Variants in BPTF observed in about 807,000 individuals in gnomAD.
The protein encoded by BPTF is bromodomain PHD finger transcription factor.
BPTF carries 18 observed loss-of-function variants against 292.5 expected under a neutral mutation model. That is an observed-to-expected ratio of 0.06 (90% CI 0.04 to 0.09). The LOEUF is 0.09. Among genes scored for constraint, BPTF ranks in the 10% least tolerant of loss-of-function variants. BPTF has a pLI of 1.00. For synonymous variants in BPTF, 1,225 were observed against 1,251.9 expected (o/e 0.98, Z 0.45); for missense variants, 2,726 against 3,498.7 (o/e 0.78, Z 5.57).
chr17:67,908,126 T>G (rs953792326), intron 9 of BPTF, among the ~76,000 whole-genome samples: 37 of 152,182 alleles, frequency 2.4e-4, no homozygotes, highest in African/African-American at 8.7e-4. Flanking sequence ...TCAAATAGAT[T>G]GTGATAATCC....
intron 25 of BPTF, chr17:67,965,725 G>A (rs1233112111): frequency 6.6e-6 from 1 of 151,244 alleles, no homozygotes; most frequent in Non-Finnish European, 1.5e-5. Flanking sequence ...TAACAGGATA[G>A]GGATGGTTTG....
At chr17:67,981,771 T>TTCTG (rs2070386885) in intron 27 of BPTF, 1 of 967,058 alleles carries the variant, frequency 1.0e-6, no homozygotes, top group African/African-American at 1.8e-5. Flanking sequence ...AAGGGAGACT[T>TTCTG]TCTGGACTTT....
chr17:67,909,276 C>G (rs552220324), intron 9 of BPTF, among the ~76,000 whole-genome samples: 2 of 88,134 alleles, frequency 2.3e-5, no homozygotes, highest in African/African-American at 4.1e-5. Context: ...GGTCCCCCCC[C>G]CCCTTTTTTT....
rs1489258620 is a variant in BPTF at position 67,825,802 on chromosome 17, A to ACCGCCG, written c.87_92dup (p.Pro30_Pro31dup). The ACCGCCG allele has an allele frequency of 7.8e-6, 8 of 1,027,664 alleles. No homozygotes were observed. Among genetic ancestry groups the ACCGCCG allele is most frequent in the Admixed American group, 5.7e-5 (1 of 17,404 alleles). 63.7% of individuals were successfully genotyped at this position (1,027,664 alleles called of 1,614,324 possible). ...AGCGCTGCGCCCCGGCCCCGCCGCCACCGCCGCCGCCGCCCACGTCCGGAC... is the reference window on the plus strand; with the variant it reads ...AGCGCTGCGCCCCGGCCCCGCCGCCACCGCCGCCGCCGCCGCCGCCCACGTCCGGAC... On this transcript the variant is annotated inframe_insertion, in exon 1 of 28. Transcript: ENST00000306378.
chr17:67,952,996 T>C (rs1426260296), intron 23 of BPTF, among the ~76,000 whole-genome samples: 1 of 152,210 alleles, frequency 6.6e-6, no homozygotes, highest in Non-Finnish European at 1.5e-5. Flanking sequence ...AGTCTTGCTC[T>C]GTCGCCCAGG....
In BPTF at chr17:67,959,883, G is replaced by C; in HGVS notation, c.8261+8G>C. 6 of 1,503,444 alleles carry C rather than the reference G, an allele frequency of 4.0e-6. No individual in the cohort carries two copies. The highest frequency in any genetic ancestry group is 1.4e-5 in the South Asian group (1 of 73,244). 93.1% of individuals were successfully genotyped at this position (1,503,444 alleles called of 1,614,324 possible). A position where few individuals can be genotyped will look rare whatever the true frequency, so the allele number is the denominator to read the frequency against. On this transcript the variant is annotated splice_region_variant and intron_variant, in intron 24 of 27. Transcript: ENST00000306378. Reference sequence around the variant, plus strand: ...GCCTTATGATGAATCTAAGTGAGTAGATCTTTTTGAGCTCTAGTTTTTTGT... The same window carrying C: ...GCCTTATGATGAATCTAAGTGAGTACATCTTTTTGAGCTCTAGTTTTTTGT...
chr17:67,840,320 T>G (rs776966327), intron 1 of BPTF, among the ~76,000 whole-genome samples: 3 of 152,096 alleles, frequency 2.0e-5, no homozygotes, highest in Non-Finnish European at 4.4e-5. Context: ...TTGCCCAGAC[T>G]GATTTCAAAC....
chr17:67,969,594 TATG>T (rs1324307521), intron 26 of BPTF, among the ~76,000 whole-genome samples: 2 of 146,792 alleles, frequency 1.4e-5, no homozygotes, highest in African/African-American at 5.4e-5. Context: ...AATGGGTTTT[TATG>T]GTCCATTAGT....
rs750448702 is a variant in BPTF, at chr17:67,913,190, A to G, written c.5303+3A>G. 7.0e-6 allele frequency: 11 copies of G among 1,569,154 alleles called. No individual in the cohort carries two copies. Among genetic ancestry groups the G allele is most frequent in the East Asian group, 2.2e-5 (1 of 44,572 alleles). On this transcript the variant is annotated splice_donor_region_variant and intron_variant, in intron 11 of 27. Coordinates refer to ENST00000306378, the MANE Select transcript of BPTF (RefSeq NM_182641.4). ...CCGACCTTTGGCATCACTTGGAGGT[A>G]TGTACTTTAAAATGTATTTGGGGGA...
intron 2 of BPTF, among the ~76,000 whole-genome samples, chr17:67,861,340 CTT>C (rs568176532): frequency 1.6e-4 from 22 of 135,040 alleles, no homozygotes; most frequent in African/African-American, 2.2e-4. Context: ...AAGATTTTTT[CTT>C]TTTTTTTTTT....
intron 1 of BPTF, among the ~76,000 whole-genome samples, chr17:67,828,754 C>G (rs539740621): frequency 1.3e-5 from 2 of 152,292 alleles, no homozygotes; most frequent in Admixed American, 1.3e-4. Context: ...TCTTGAACTC[C>G]CGACCTCAGT....
chr17:67,914,252 A>G (rs1209518932), intron 11 of BPTF, among the ~76,000 whole-genome samples: 2 of 152,230 alleles, frequency 1.3e-5, no homozygotes, highest in Non-Finnish European at 1.5e-5. Flanking sequence ...ATTAATTACA[A>G]TCAGCTAGAA....
At chr17:67,969,047 AC>A (rs1232744900) in intron 26 of BPTF, among the ~76,000 whole-genome samples, 12 of 151,410 alleles carry the variant, frequency 7.9e-5, no homozygotes, top group African/African-American at 2.7e-4. Flanking sequence ...CATGCCTGTA[AC>A]CCCAGCACTT....
chr17:67,897,370 A>G lies in BPTF; in HGVS notation c.2543+3205A>G, dbSNP rs572594719. 4.0e-4 allele frequency among the ~76,000 whole-genome samples: 59 copies of G among 148,036 alleles called. No homozygotes were observed. The East Asian group carries it at 4.1e-3, about 10-fold the overall frequency. The stretch of plus-strand genomic sequence containing the variant: ...AAAAAAAAAAAAAAAAAAAAAAAAA[A>G]AGTAAAGAAAGAGACATACTAACCA... On this transcript the variant is annotated intron_variant, in intron 7 of 27. Transcript: ENST00000306378.
intron 27 of BPTF, among the ~76,000 whole-genome samples, chr17:67,976,708 A>AT (rs2069500302): frequency 2.1e-5 from 3 of 142,006 alleles, no homozygotes; most frequent in Admixed American, 1.5e-4. Context: ...AAAAAAAAAA[A>AT]AAAAAAATAA....
At chr17:67,887,208 CAT>C (rs911295798) in intron 4 of BPTF, among the ~76,000 whole-genome samples, 6 of 152,150 alleles carry the variant, frequency 3.9e-5, no homozygotes, top group South Asian at 2.1e-4. Flanking sequence ...TATTCTTACT[CAT>C]GTGGTTAAGT....
Position 67,912,593 on chromosome 17 carries a change from A to G in BPTF, c.4709A>G (p.Asn1570Ser), listed in dbSNP as rs1332283977. The change falls in exon 11 of 28, where the codon AAC (asparagine) becomes AGC (serine). Residue 1570 changes from asparagine to serine, a missense_variant. Asn to Ser is a conservative substitution (Grantham distance 46). This residue lies in a region of BPTF where 144 missense variants were observed against 177.2 expected (regional missense o/e 0.81). Coordinates refer to ENST00000306378, the MANE Select transcript of BPTF (RefSeq NM_182641.4). ...ATTGATGAAAATGGTCTGCCCATCA[A>G]CAAAAATGAAAATGTCAATGGAGAA... The part of the protein sequence containing the change: ...DFIDENGLPI[N>S]KNENVNGESK... The G allele has an allele frequency of 1.7e-5, 28 of 1,613,092 alleles. No individual in the cohort carries two copies. Among genetic ancestry groups the G allele is most frequent in the Non-Finnish European group, 2.4e-5 (28 of 1,179,846 alleles).
chr17:67,893,961 A>AAC, intron 6 of BPTF, 73 bp from the exon 7 acceptor site: 1 of 1,557,842 alleles, frequency 6.4e-7, no homozygotes, highest in Non-Finnish European at 8.8e-7. Flanking sequence ...TGGAGGCCAA[A>AAC]GTTACAACTA....
intron 2 of BPTF, among the ~76,000 whole-genome samples, chr17:67,855,634 C>T (rs2058644311): frequency 6.6e-6 from 1 of 152,146 alleles, no homozygotes; most frequent in African/African-American, 2.4e-5. Flanking sequence ...AGGAGACAGT[C>T]TCAGGGTTTA....
Sources: allele counts gnomAD v4.1 joint callset (sites outside exome capture counted in the v4.1 genomes callset), GRCh38; gene constraint gnomAD v4.1.1; regional missense constraint gnomAD v4.1.1; transcripts MANE v1.5; gene names NCBI Gene and HGNC (gene_info 2026-07-23, HGNC 2026-07-21).